Variants in L3MBTL4 observed in about 807,000 individuals in gnomAD.
L3MBTL4 encodes the protein lethal(3)malignant brain tumor-like protein 4.
L3MBTL4 carries 70 observed loss-of-function variants against 84.5 expected under a neutral mutation model. The ratio of observed to expected loss-of-function variants is 0.83; its 90% CI spans 0.68 to 1.01. The LOEUF (loss-of-function observed/expected upper bound fraction) is 1.01, where lower values mean the gene tolerates loss of function less well. Among genes scored for constraint, L3MBTL4 ranks in the 50% least tolerant of loss-of-function variants. The pLI is 0.00. For synonymous variants in L3MBTL4, 274 were observed against 259.8 expected (o/e 1.05, Z -0.52); for missense variants, 715 against 754.8 (o/e 0.95, Z 0.62).
chr18:6,091,723 A>AT (rs796336892), intron 15 of L3MBTL4, among the ~76,000 whole-genome samples: 1 of 152,060 alleles, frequency 6.6e-6, no homozygotes, highest in Non-Finnish European at 1.5e-5. Context: ...GAGAGCAATC[A>AT]TTTTTTTTAA....
chr18:6,133,115 G>C (rs1402844429), intron 14 of L3MBTL4, among the ~76,000 whole-genome samples: 2 of 152,230 alleles, frequency 1.3e-5, no homozygotes, highest in East Asian at 1.9e-4. Flanking sequence ...AGTACCTGTC[G>C]CTCAAAATAC....
At chr18:6,154,198 T>C (rs1035223978) in intron 13 of L3MBTL4, among the ~76,000 whole-genome samples, 2 of 152,192 alleles carry the variant, frequency 1.3e-5, no homozygotes, top group African/African-American at 4.8e-5. Context: ...CCAATACTAT[T>C]AGTGTATTGC....
At chr18:6,362,983 A>G (rs1022907401) in intron 1 of L3MBTL4, among the ~76,000 whole-genome samples, 1 of 152,266 alleles carries the variant, frequency 6.6e-6, no homozygotes, top group Admixed American at 6.5e-5. Flanking sequence ...CGCAGAGGAA[A>G]GGTCTCCATT....
chr18:6,033,936 C>T lies in L3MBTL4; in HGVS notation c.1444+46945G>A, dbSNP rs140586594. Among the ~76,000 whole-genome samples, 8 of 152,186 alleles carry T rather than the reference C, an allele frequency of 5.3e-5. No homozygotes were observed. In the East Asian group the frequency reaches 1.4e-3, roughly 26 times the overall value. On this transcript the variant is annotated intron_variant, in intron 16 of 18. Coordinates refer to ENST00000317931, the MANE Select transcript of L3MBTL4 (RefSeq NM_001330559.2). The stretch of plus-strand genomic sequence containing the variant: ...TGTGAAAAAATATGGAGTTACAAAC[C>T]ATTGTTATACTAAGACTACCTATTA...
intron 1 of L3MBTL4, among the ~76,000 whole-genome samples, chr18:6,370,133 C>CAAAAA (rs35835409): frequency 3.4e-5 from 3 of 88,276 alleles, no homozygotes; most frequent in Non-Finnish European, 4.5e-5. Context: ...GACTCGGTCT[C>CAAAAA]AAAAAAAAAA....
Position 6,242,001 on chromosome 18 carries a change from C to A in L3MBTL4, c.461-552G>T, listed in dbSNP as rs7242065. ...CTTTCTGCGCCGCATCTTTACTAGT[C>A]TCCCATTAAAAACTGCTGCATCCTC... On this transcript the variant is annotated intron_variant, in intron 7 of 18. Coordinates refer to ENST00000317931, the MANE Select transcript of L3MBTL4 (RefSeq NM_001330559.2). Among the ~76,000 whole-genome samples, 1,446 of 152,298 alleles carry A rather than the reference C, an allele frequency of 9.5e-3. 24 individuals carry two copies. Among genetic ancestry groups the A allele is most frequent in the African/African-American group, 0.032 (1,350 of 41,560 alleles).
chr18:6,038,693 A>G (rs1238241267), intron 16 of L3MBTL4, among the ~76,000 whole-genome samples: 1 of 152,184 alleles, frequency 6.6e-6, no homozygotes, highest in Non-Finnish European at 1.5e-5. Flanking sequence ...AAAAACAACA[A>G]CAACAAAAAT....
At chr18:6,074,507 G>A (rs2057793555) in intron 16 of L3MBTL4, among the ~76,000 whole-genome samples, 1 of 152,204 alleles carries the variant, frequency 6.6e-6, no homozygotes, top group Admixed American at 6.5e-5. Context: ...AAGAGGTAAT[G>A]TTATTGGTCA....
At chr18:6,355,330 A>G (rs2053390567) in intron 1 of L3MBTL4, among the ~76,000 whole-genome samples, 1 of 152,232 alleles carries the variant, frequency 6.6e-6, no homozygotes, top group Admixed American at 6.5e-5. Flanking sequence ...ACCCACAAAA[A>G]TTAAAATAAA....
chr18:6,200,134 A>G (rs938953978), intron 12 of L3MBTL4, among the ~76,000 whole-genome samples: 2 of 152,266 alleles, frequency 1.3e-5, no homozygotes, highest in Non-Finnish European at 2.9e-5. Context: ...GCAGCAAAGC[A>G]CAGGGGTGCA....
intron 16 of L3MBTL4, among the ~76,000 whole-genome samples, chr18:5,988,982 A>T (rs1567954173): frequency 6.6e-6 from 1 of 152,022 alleles, no homozygotes; most frequent in Non-Finnish European, 1.5e-5. Flanking sequence ...AAAGAGACAA[A>T]CTCCACCAAG....
intron 13 of L3MBTL4, 146 bp from the exon 14 acceptor site, chr18:6,138,442 T>C (rs1782173818): frequency 1.8e-6 from 1 of 560,472 alleles, no homozygotes; most frequent in African/African-American, 1.9e-5. Context: ...TACGATGTAT[T>C]ATTAATATTA....
At chr18:6,333,642 T>A (rs1191679140) in intron 1 of L3MBTL4, among the ~76,000 whole-genome samples, 1 of 150,222 alleles carries the variant, frequency 6.7e-6, no homozygotes, top group Non-Finnish European at 1.5e-5. Flanking sequence ...GCAGGTGGGG[T>A]GGGAAGAGAT....
At chr18:5,969,063 C>T (rs2052499431) in intron 17 of L3MBTL4, among the ~76,000 whole-genome samples, 2 of 151,986 alleles carry the variant, frequency 1.3e-5, no homozygotes, top group Non-Finnish European at 2.9e-5. Flanking sequence ...TTGTGCTTGC[C>T]CAAATTAAAT....
At chr18:6,088,435 A>C (rs948018525) in intron 15 of L3MBTL4, among the ~76,000 whole-genome samples, 1 of 152,198 alleles carries the variant, frequency 6.6e-6, no homozygotes, top group Non-Finnish European at 1.5e-5. Context: ...GAACTGCCAC[A>C]GAACTCCAAG....
At position 6,086,289 on chromosome 18, in the gene L3MBTL4, C is replaced by T. The variant is rs149411086; in HGVS notation, c.1374-5338G>A. ...ACTAATATTTCCTCTACACAAGTTG[C>T]TGTGGACATTGTAGGACACACTGTT... On this transcript the variant is annotated intron_variant, in intron 15 of 18. Transcript: ENST00000317931. 7.2e-5 allele frequency among the ~76,000 whole-genome samples: 11 copies of T among 152,266 alleles called. 1 individual carries two copies. The highest frequency in any genetic ancestry group is 2.6e-4 in the African/African-American group (11 of 41,550).
intron 4 of L3MBTL4, among the ~76,000 whole-genome samples, chr18:6,280,184 A>T (rs1057045151): frequency 5.1e-4 from 77 of 152,352 alleles, no homozygotes; most frequent in South Asian, 2.1e-4. Context: ...AGGTAAAAGG[A>T]GGGTATTTTT....
intron 12 of L3MBTL4, among the ~76,000 whole-genome samples, chr18:6,200,523 C>T (rs2045606408): frequency 6.6e-6 from 1 of 152,222 alleles, no homozygotes; most frequent in Non-Finnish European, 1.5e-5. Context: ...GCAAACATTA[C>T]TGTTCAGAAT....
rs183621603 is a variant in L3MBTL4, at chr18:5,962,707, G to A, written c.1615-2551C>T. On this transcript the variant is annotated intron_variant, in intron 17 of 18. Coordinates refer to ENST00000317931, the MANE Select transcript of L3MBTL4 (RefSeq NM_001330559.2). ...TGCACTGAGGGCCAAGGACCACAGC[G>A]CTGCAGGAAGCTAGAGAAATGGTCC... Among the ~76,000 whole-genome samples, 310 of 152,306 alleles carry A rather than the reference G, an allele frequency of 2.0e-3. 1 individual carries two copies. Among genetic ancestry groups the A allele is most frequent in the African/African-American group, 7.0e-3 (291 of 41,564 alleles).
Sources: gnomAD v4.1 joint callset for allele counts (sites outside exome capture counted in the v4.1 genomes callset) on GRCh38, gnomAD v4.1.1 for gene constraint, MANE v1.5 for transcripts, NCBI Gene and HGNC (gene_info 2026-07-23, HGNC 2026-07-21) for gene names.